Variants in GRXCR1 observed in about 807,000 individuals in gnomAD.
GRXCR1 encodes glutaredoxin and cysteine rich domain containing 1.
A neutral mutation model predicts 27.3 loss-of-function variants in GRXCR1; 27 were observed. That is an observed-to-expected ratio of 0.99 (90% CI 0.73 to 1.37). GRXCR1 has a LOEUF of 1.37. Ranked by LOEUF, GRXCR1 falls within the 40% of genes most tolerant of loss-of-function variation. GRXCR1 has a pLI of 0.00. For missense variants in GRXCR1, 379 were observed against 354.4 expected, an observed-to-expected ratio of 1.07 and a Z score of -0.56; for synonymous variants, 122 against 131.1, an observed-to-expected ratio of 0.93 and a Z score of 0.47.
intron 2 of GRXCR1, among the ~76,000 whole-genome samples, chr4:42,988,616 T>A: frequency 6.6e-6 from 1 of 152,206 alleles, no homozygotes; most frequent in East Asian, 1.9e-4. Flanking sequence ...CCTTGGTGAA[T>A]TTTCTTTAAC....
At chr4:42,911,267 T>C (rs1746716928) in intron 1 of GRXCR1, among the ~76,000 whole-genome samples, 1 of 152,146 alleles carries the variant, frequency 6.6e-6, no homozygotes, top group African/African-American at 2.4e-5. Context: ...AATTGAAGCA[T>C]GAATATATTT....
intron 1 of GRXCR1, among the ~76,000 whole-genome samples, chr4:42,918,921 G>A (rs1746945498): frequency 1.3e-5 from 2 of 152,102 alleles, no homozygotes; most frequent in African/African-American, 4.8e-5. Context: ...CCTATTGGGA[G>A]AGAAGTCATG....
chr4:43,025,734 TGGGAGGCCAAGGC>T (rs1309122827), intron 3 of GRXCR1, among the ~76,000 whole-genome samples: 9 of 152,292 alleles, frequency 5.9e-5, no homozygotes, highest in African/African-American at 2.2e-4. Flanking sequence ...CCCAGCACTT[TGGGAGGCCAAGGC>T]GGGCGGATCA....
At chr4:42,896,275 A>G (rs973313975) in intron 1 of GRXCR1, among the ~76,000 whole-genome samples, 1 of 152,136 alleles carries the variant, frequency 6.6e-6, no homozygotes, top group African/African-American at 2.4e-5. Context: ...AAATATTTTT[A>G]CTTTGTAGCA....
At chr4:42,929,585 G>A (rs1482483054) in intron 1 of GRXCR1, among the ~76,000 whole-genome samples, 10 of 151,906 alleles carry the variant, frequency 6.6e-5, no homozygotes, top group Non-Finnish European at 1.5e-4. Context: ...TTTGGAGGTT[G>A]GGTCTGTGTT....
chr4:43,020,931 T>A (rs10000827), intron 3 of GRXCR1, among the ~76,000 whole-genome samples: 9,747 of 152,260 alleles, frequency 0.064, 961 homozygotes, highest in African/African-American at 0.22. Flanking sequence ...AAAGCCCTTA[T>A]TACCTCACTG....
At position 43,030,387 on chromosome 4, in the gene GRXCR1, C is replaced by T; in HGVS notation, c.720C>T (p.Pro240=). 1 of 1,613,986 alleles carries T rather than the reference C, an allele frequency of 6.2e-7. No individual in the cohort carries two copies. Among genetic ancestry groups the T allele is most frequent in the Non-Finnish European group, 8.5e-7 (1 of 1,180,002 alleles). Residue 240 remains proline (P), a synonymous_variant, in exon 4 of 4, where the codon CCC becomes CCT. Coordinates refer to ENST00000399770, the MANE Select transcript of GRXCR1 (RefSeq NM_001080476.3). ...IERVQHPHEC[P]SCGGFGFLPC... ...GAGTACAGCATCCACATGAGTGTCC[C>T]TCTTGTGGAGGCTTTGGCTTTCTTC...
chr4:42,935,627 G>A (rs879376114), intron 1 of GRXCR1, among the ~76,000 whole-genome samples: 2 of 151,886 alleles, frequency 1.3e-5, no homozygotes, highest in African/African-American at 4.8e-5. Context: ...TAAGAGTGGA[G>A]GTTTGTGGTG....
At chr4:42,999,792 T>C (rs1213696578) in intron 2 of GRXCR1, among the ~76,000 whole-genome samples, 1 of 152,236 alleles carries the variant, frequency 6.6e-6, no homozygotes, top group Non-Finnish European at 1.5e-5. Flanking sequence ...GTAGACAACT[T>C]GATGCAGCCT....
intron 1 of GRXCR1, among the ~76,000 whole-genome samples, chr4:42,944,116 A>T (rs562110264): frequency 2.0e-5 from 3 of 152,204 alleles, no homozygotes; most frequent in African/African-American, 7.2e-5. Context: ...ATTTATAAGG[A>T]TACCACCCCA....
intron 2 of GRXCR1, among the ~76,000 whole-genome samples, chr4:42,987,338 G>A (rs999737126): frequency 2.0e-5 from 3 of 147,290 alleles, no homozygotes; most frequent in African/African-American, 7.5e-5. Context: ...ACTGAAGTGT[G>A]GTGGTGTGAT....
In GRXCR1 at chr4:42,903,631, A is replaced by C. The variant is rs572686028; in HGVS notation, c.384+9981A>C. Among the ~76,000 whole-genome samples, 105 of 147,490 alleles carry C rather than the reference A, an allele frequency of 7.1e-4. 18 individuals carry two copies. In the South Asian group the frequency reaches 0.025, roughly 35 times the overall value. On this transcript the variant is annotated intron_variant, in intron 1 of 3. Coordinates refer to ENST00000399770, the MANE Select transcript of GRXCR1 (RefSeq NM_001080476.3). ...TCAAGGCTCTTCCTCTAATTATGGA[A>C]TTTCCCTTTTCATACATTTATATAT...
intron 1 of GRXCR1, among the ~76,000 whole-genome samples, chr4:42,959,658 A>G (rs1748087003): frequency 6.6e-6 from 1 of 151,968 alleles, no homozygotes; most frequent in Admixed American, 6.6e-5. Flanking sequence ...TTAAGTATGT[A>G]CAACTTAAAA....
intron 2 of GRXCR1, among the ~76,000 whole-genome samples, chr4:42,987,240 T>C (rs1372966450): frequency 2.7e-4 from 17 of 63,102 alleles, no homozygotes; most frequent in African/African-American, 8.8e-4. Flanking sequence ...TATATATATA[T>C]AATATATAAT....
At chr4:43,028,016 G>A (rs1477417900) in intron 3 of GRXCR1, among the ~76,000 whole-genome samples, 2 of 152,066 alleles carry the variant, frequency 1.3e-5, no homozygotes, top group Non-Finnish European at 2.9e-5. Flanking sequence ...GGCTGAGGCA[G>A]GAGAATCACT....
chr4:42,914,332 C>T lies in GRXCR1; in HGVS notation c.384+20682C>T, dbSNP rs375170255. 2.0e-5 allele frequency among the ~76,000 whole-genome samples: 3 copies of T among 152,244 alleles called. No homozygotes were observed. In the East Asian group the frequency reaches 5.8e-4, roughly 29 times the overall value. On this transcript the variant is annotated intron_variant, in intron 1 of 3. Coordinates refer to ENST00000399770, the MANE Select transcript of GRXCR1 (RefSeq NM_001080476.3). ...TGCCCAAGGCCATGGGAGCCCACCTCTTGCATCAGCATGATCTGGATGTGA... is the reference window on the plus strand; with the variant it reads ...TGCCCAAGGCCATGGGAGCCCACCTTTTGCATCAGCATGATCTGGATGTGA...
intron 2 of GRXCR1, among the ~76,000 whole-genome samples, chr4:42,974,845 GTATAAGA>G (rs1331267709): frequency 1.3e-5 from 2 of 152,094 alleles, no homozygotes; most frequent in Non-Finnish European, 2.9e-5. Flanking sequence ...GAACACCAGA[GTATAAGA>G]TATATTACAA....
At chr4:42,939,572 C>T (rs953336539) in intron 1 of GRXCR1, among the ~76,000 whole-genome samples, 4 of 152,048 alleles carry the variant, frequency 2.6e-5, no homozygotes, top group African/African-American at 9.7e-5. Flanking sequence ...GCATCCTTGT[C>T]TTGTTTCATA....
rs1018306568 is a variant in GRXCR1 at position 42,983,051 on chromosome 4, T to G, written c.627+19917T>G. On this transcript the variant is annotated intron_variant, in intron 2 of 3. Coordinates refer to ENST00000399770, the MANE Select transcript of GRXCR1 (RefSeq NM_001080476.3). ...GTTTCTTTTGCTGTGCGGAAGCTCT[T>G]TAGTTTAATTAGATCCCATTTGTCA... Among the ~76,000 whole-genome samples, 42 of 152,112 alleles carry G rather than the reference T, an allele frequency of 2.8e-4. No homozygotes were observed. In the East Asian group the frequency reaches 8.1e-3, roughly 29 times the overall value.
Sources: gnomAD v4.1 joint callset for allele counts (sites outside exome capture counted in the v4.1 genomes callset) on GRCh38, gnomAD v4.1.1 for gene constraint, MANE v1.5 for transcripts, NCBI Gene and HGNC (gene_info 2026-07-23, HGNC 2026-07-21) for gene names.